The following TGFB3 variants were observed in gnomAD, a reference collection of about 807,000 sequenced individuals.
TGFB3 encodes transforming growth factor beta 3, also known as transforming growth factor beta-3 proprotein.
In TGFB3, 5 loss-of-function variants were observed where a neutral mutation model predicts 40.1. The observed-to-expected ratio is 0.12, with a 90% CI of 0.07 to 0.26. The LOEUF (loss-of-function observed/expected upper bound fraction) is 0.26. Among genes scored for constraint, TGFB3 ranks in the 10% least tolerant of loss-of-function variants. TGFB3 has a pLI of 1.00. For synonymous variants in TGFB3, 184 were observed against 205.6 expected, an observed-to-expected ratio of 0.89 and a Z score of 0.90; for missense variants, 373 against 530.1, an observed-to-expected ratio of 0.70 and a Z score of 2.91.
At chr14:75,963,746 C>T (rs186933387) in intron 4 of TGFB3, among the ~76,000 whole-genome samples, 5 of 152,244 alleles carry the variant, frequency 3.3e-5, no homozygotes, top group African/African-American at 4.8e-5. Flanking sequence ...ATCCCCATAC[C>T]CTTGTATAGA....
In TGFB3 at chr14:75,980,963, G is replaced by T; in HGVS notation, c.-70C>A. 6.9e-7 allele frequency: 1 copy of T among 1,459,314 alleles called. No individual in the cohort carries two copies. Among genetic ancestry groups the T allele is most frequent in the East Asian group, 2.3e-5 (1 of 44,128 alleles). The allele number at this position is 1,459,314 out of a possible 1,614,324, so 90.4% of individuals were successfully genotyped here. ...AGGAAGAGACCCCAGCAGACGTGCA[G>T]AAGGAGGGAGGAAAACCAGGCGGCC... On this transcript the variant is annotated 5_prime_UTR_variant, in exon 1 of 7. The change creates a new upstream start codon in the 5' untranslated region. Coordinates refer to ENST00000238682, the MANE Select transcript of TGFB3 (RefSeq NM_003239.5). This position sits in a 1 kb window ranked among gnomAD's most constrained non-coding sequence, Gnocchi z 4.3.
chr14:75,975,500 T>C (rs929536379), intron 1 of TGFB3, among the ~76,000 whole-genome samples: 6 of 152,376 alleles, frequency 3.9e-5, no homozygotes, highest in South Asian at 2.1e-4. Flanking sequence ...AATCATCGTA[T>C]ACATAAATAA....
Position 75,980,480 on chromosome 14 carries a change from A to T in TGFB3, c.352+62T>A. The T allele has an allele frequency of 6.4e-7, 1 of 1,555,684 alleles. No individual in the cohort carries two copies. The highest frequency in any genetic ancestry group is 1.7e-5 in the Admixed American group (1 of 59,958). On this transcript the variant is annotated intron_variant, in intron 1 of 6. Coordinates refer to ENST00000238682, the MANE Select transcript of TGFB3 (RefSeq NM_003239.5). This position sits in a 1 kb window ranked among gnomAD's most constrained non-coding sequence, Gnocchi z 4.3. ...TGGCCAGCACTAGGCCCCCCTCTGC[A>T]GAGCTCCCAGCTCCAGTTCAGACCC...
Position 75,959,334 on chromosome 14 carries a change from C to G in TGFB3, c.1092G>C (p.Leu364=). ...ADTTHSTVLG[L]YNTLNPEASA... is the part of the protein sequence containing the mutation. ...ATGCTTCAGGGTTCAGAGTGTTGTA[C>G]AGTCCCAGCACCTGGGAAGGGACAT... Residue 364 remains leucine (L), a synonymous_variant, in exon 7 of 7, where the codon CTG becomes CTC. Coordinates refer to ENST00000238682, the MANE Select transcript of TGFB3 (RefSeq NM_003239.5). 6.2e-7 allele frequency: 1 copy of G among 1,614,064 alleles called. No homozygotes were observed. The highest frequency in any genetic ancestry group is 8.5e-7 in the Non-Finnish European group (1 of 1,179,968).
In TGFB3 at chr14:75,971,245, G is replaced by A. The variant is rs779569139; in HGVS notation, c.527C>T (p.Pro176Leu). 4 of 1,614,022 alleles carry A rather than the reference G, an allele frequency of 2.5e-6. No individual in the cohort carries two copies. The highest frequency in any genetic ancestry group is 3.4e-6 in the Non-Finnish European group (4 of 1,180,042). Residue 176 changes from proline to leucine, a missense_variant, in exon 3 of 7, where the codon CCA (proline) becomes CTA (leucine). Pro to Leu is a moderately conservative substitution (Grantham distance 98). Transcript: ENST00000238682. This position sits in a 1 kb window ranked among gnomAD's most constrained non-coding sequence, Gnocchi z 4.5. ...GCGCTGTTTGGCAATGTGCTCATCT[G>A]GCCGAAGGATCTACAGGGCAGAGAA... ...QRIELFQILRPDEHIAKQRYI... is the reference protein window; with the variant it reads ...QRIELFQILRLDEHIAKQRYI...
At position 75,980,520 on chromosome 14, in the gene TGFB3, C is replaced by T; in HGVS notation, c.352+22G>A. ...AGTTCAGACCCTCCAGAGCAGACAC[C>T]CCAGCGAGAATTTGGACTTACTGTG... is the stretch of plus-strand genomic sequence containing the variant. On this transcript the variant is annotated intron_variant, in intron 1 of 6. Transcript: ENST00000238682. The surrounding 1 kb of genome is among the most constrained non-coding windows in gnomAD (Gnocchi z 4.3). 1 of 1,612,560 alleles carries T rather than the reference C, an allele frequency of 6.2e-7. No individual in the cohort carries two copies. The highest frequency in any genetic ancestry group is 8.5e-7 in the Non-Finnish European group (1 of 1,178,506).
chr14:75,960,002 G>A (rs1226004721), intron 6 of TGFB3, among the ~76,000 whole-genome samples: 1 of 134,378 alleles, frequency 7.4e-6, no homozygotes, highest in East Asian at 2.2e-4. Flanking sequence ...AAGTGCAGTG[G>A]TGCAATCTTG....
In TGFB3 at chr14:75,981,045, C is replaced by T. The variant is rs551929281; in HGVS notation, c.-152G>A. 5.1e-4 allele frequency: 364 copies of T among 719,964 alleles called. No individual in the cohort carries two copies. The African/African-American group carries it at 5.4e-3, about 11-fold the overall frequency. The allele number at this position is 719,964 out of a possible 1,614,324, so 44.6% of individuals were successfully genotyped here. A position where few individuals can be genotyped will look rare whatever the true frequency, so the allele number is the denominator to read the frequency against. Reference sequence around the variant, plus strand: ...GAAGGTGCATGAACTCACTGCACTGCGAGAGCTTCAGGACTTCCAGGAAGC... The same window carrying T: ...GAAGGTGCATGAACTCACTGCACTGTGAGAGCTTCAGGACTTCCAGGAAGC... On this transcript the variant is annotated 5_prime_UTR_variant, in exon 1 of 7. Coordinates refer to ENST00000238682, the MANE Select transcript of TGFB3 (RefSeq NM_003239.5). This position sits in a 1 kb window ranked among gnomAD's most constrained non-coding sequence, Gnocchi z 4.7.
At chr14:75,965,164 C>T (rs1343004869) in intron 4 of TGFB3, among the ~76,000 whole-genome samples, 1 of 152,224 alleles carries the variant, frequency 6.6e-6, no homozygotes, top group South Asian at 2.1e-4. Flanking sequence ...TGTCTGGGCA[C>T]TCATGTTCAG....
At position 75,980,955 on chromosome 14, in the gene TGFB3, G is replaced by T; in HGVS notation, c.-62C>A. The T allele has an allele frequency of 6.6e-7, 1 of 1,507,798 alleles. No individual in the cohort carries two copies. Among genetic ancestry groups the T allele is most frequent in the Non-Finnish European group, 9.2e-7 (1 of 1,088,428 alleles). 93.4% of individuals were successfully genotyped at this position (1,507,798 alleles called of 1,614,324 possible). On this transcript the variant is annotated 5_prime_UTR_variant, in exon 1 of 7. In the 5' UTR this introduces an upstream ATG that the reference lacks. Coordinates refer to ENST00000238682, the MANE Select transcript of TGFB3 (RefSeq NM_003239.5). The surrounding 1 kb of genome is among the most constrained non-coding windows in gnomAD (Gnocchi z 4.3). ...GCCTGGAGAGGAAGAGACCCCAGCA[G>T]ACGTGCAGAAGGAGGGAGGAAAACC...
chr14:75,959,334 C>T lies in TGFB3; in HGVS notation c.1092G>A (p.Leu364=), dbSNP rs568954356. The change falls in exon 7 of 7, where the codon CTG becomes CTA. Residue 364 remains leucine (L), a synonymous_variant. Coordinates refer to ENST00000238682, the MANE Select transcript of TGFB3 (RefSeq NM_003239.5). ...ADTTHSTVLG[L]YNTLNPEASA... is the part of the protein sequence containing the mutation. ...ATGCTTCAGGGTTCAGAGTGTTGTACAGTCCCAGCACCTGGGAAGGGACAT... is the reference window on the plus strand; with the variant it reads ...ATGCTTCAGGGTTCAGAGTGTTGTATAGTCCCAGCACCTGGGAAGGGACAT... 1 of 1,614,064 alleles carries T rather than the reference C, an allele frequency of 6.2e-7. No homozygotes were observed. The highest frequency in any genetic ancestry group is 2.2e-5 in the East Asian group (1 of 44,882).
chr14:75,977,673 A>C (rs892751069), intron 1 of TGFB3, among the ~76,000 whole-genome samples: 34 of 151,934 alleles, frequency 2.2e-4, no homozygotes, highest in Non-Finnish European at 2.9e-4. Flanking sequence ...AAAAAAAAAA[A>C]AATGCAGAGC....
chr14:75,965,307 A>G (rs1221508658), intron 4 of TGFB3, among the ~76,000 whole-genome samples: 1 of 152,188 alleles, frequency 6.6e-6, no homozygotes. Context: ...CTCTCATCCC[A>G]TTTCACTAGG....
chr14:75,982,801 C>T (rs1053405081), upstream of TGFB3: 9 of 152,522 alleles, frequency 5.9e-5, no homozygotes, highest in Admixed American at 2.0e-4. This position sits in a 1 kb window ranked among gnomAD's most constrained non-coding sequence, Gnocchi z 4.0. Context: ...ACCTCTCCCT[C>T]CCCGACCGCC....
chr14:75,963,545 G>T, intron 4 of TGFB3, 58 bp from the exon 5 acceptor site: 1 of 1,606,840 alleles, frequency 6.2e-7, no homozygotes, highest in Non-Finnish European at 8.5e-7. Context: ...GCCCTTGGAG[G>T]CTGCCTCCTC....
chr14:75,973,316 A>G (rs879764045), intron 1 of TGFB3, among the ~76,000 whole-genome samples: 2 of 152,238 alleles, frequency 1.3e-5, no homozygotes, highest in Non-Finnish European at 2.9e-5. Context: ...GGAAAGGATG[A>G]GTGAGTGTTT....
At chr14:75,961,151 C>T (rs2035152519) in intron 5 of TGFB3, 75 bp from the exon 6 acceptor site, 7 of 1,552,260 alleles carry the variant, frequency 4.5e-6, no homozygotes, top group Admixed American at 1.8e-5. Flanking sequence ...CTCTCATATT[C>T]TCCCTTGGAG....
chr14:75,963,751 T>C (rs1190185646), intron 4 of TGFB3, among the ~76,000 whole-genome samples: 1 of 152,194 alleles, frequency 6.6e-6, no homozygotes, highest in Non-Finnish European at 1.5e-5. Context: ...CATACCCTTG[T>C]ATAGAAATCT....
chr14:75,959,644 G>A (rs1339225480), intron 6 of TGFB3, among the ~76,000 whole-genome samples: 6 of 151,910 alleles, frequency 3.9e-5, no homozygotes, highest in Non-Finnish European at 5.9e-5. Context: ...GGTGGCAGGC[G>A]CCTGTAATCC....
Sources: gnomAD v4.1 joint callset for allele counts (sites outside exome capture counted in the v4.1 genomes callset) on GRCh38, gnomAD v4.1.1 for gene constraint, Gnocchi (gnomAD v3.1) non-coding constraint, MANE v1.5 for transcripts, NCBI Gene and HGNC (gene_info 2026-07-23, HGNC 2026-07-21) for gene names.